The following NDUFS8 variants were observed in gnomAD, a reference collection of about 807,000 sequenced individuals.
NDUFS8 encodes NADH:ubiquinone oxidoreductase core subunit S8, also known as NADH dehydrogenase [ubiquinone] iron-sulfur protein 8, mitochondrial.
In NDUFS8, 13 loss-of-function variants were observed where a neutral mutation model predicts 25.6. That is an observed-to-expected ratio of 0.51 (90% CI 0.33 to 0.81). The LOEUF (loss-of-function observed/expected upper bound fraction) is 0.81. Ranked by LOEUF, NDUFS8 falls within the 30% of genes least tolerant of loss-of-function variation. The probability of loss-of-function intolerance (pLI) is 0.02; values close to 1 mark genes in which losing one functional copy is unlikely to be tolerated. For missense variants in NDUFS8, 257 were observed against 300.9 expected, an observed-to-expected ratio of 0.85 and a Z score of 1.08; for synonymous variants, 119 against 119.4, an observed-to-expected ratio of 1.00 and a Z score of 0.02.
chr11:68,034,737 C>T (rs752708220), intron 5 of NDUFS8: 2 of 145,180 alleles, frequency 1.4e-5, no homozygotes, highest in Non-Finnish European at 3.0e-5. Flanking sequence ...TCACTTGAAC[C>T]GGGAGGTGGG....
At chr11:68,035,951 C>T (rs1381950481) in intron 5 of NDUFS8, 2 of 389,810 alleles carry the variant, frequency 5.1e-6, no homozygotes, top group East Asian at 6.1e-5. Flanking sequence ...CCGGGAAGGC[C>T]GAGGTTGCAG....
At chr11:68,032,564 G>T in intron 3 of NDUFS8, 1 of 1,451,358 alleles carries the variant, frequency 6.9e-7, no homozygotes, top group Non-Finnish European at 9.1e-7. Context: ...GTGTGATGGG[G>T]AGGGGGTTGC....
Position 68,032,378 on chromosome 11 carries a change from G to A in NDUFS8, c.109+42G>A, listed in dbSNP as rs1255827946. On this transcript the variant is annotated intron_variant, in intron 3 of 6. Coordinates refer to ENST00000313468, the MANE Select transcript of NDUFS8 (RefSeq NM_002496.4). ...CCTCTAGCCTCAGGTGTTCCTGACT[G>A]GTCCTGCTGGAGTAGGGGAAGAGAC... The A allele has an allele frequency of 1.9e-6, 3 of 1,612,586 alleles. No individual in the cohort carries two copies. The South Asian group carries it at 3.3e-5, about 18-fold the overall frequency.
chr11:68,030,956 G>A (rs1236472575), intron 1 of NDUFS8: 1 of 438,902 alleles, frequency 2.3e-6, no homozygotes, highest in Non-Finnish European at 4.6e-6. Context: ...GGAGATCACT[G>A]GGAAGGTGGG....
chr11:68,034,531 G>T (rs1854841374), intron 5 of NDUFS8: 1 of 152,194 alleles, frequency 6.6e-6, no homozygotes, highest in South Asian at 2.1e-4. Context: ...GTTAGATTTA[G>T]ACCGGGCACA....
intron 5 of NDUFS8, 116 bp downstream of exon 5, chr11:68,033,399 T>C (rs1175389154): frequency 8.0e-7 from 1 of 1,244,258 alleles, no homozygotes; most frequent in African/African-American, 1.5e-5. Context: ...AGGAAGTCCC[T>C]TTCCCCCTCT....
chr11:68,033,048 G>T, intron 4 of NDUFS8, 36 bp downstream of exon 4: 2 of 1,613,262 alleles, frequency 1.2e-6, no homozygotes, highest in Non-Finnish European at 1.7e-6. Context: ...GGAAGGTGCC[G>T]GGTGGGCACG....
intron 4 of NDUFS8, 34 bp from the exon 5 acceptor site, chr11:68,033,077 G>C: frequency 6.2e-7 from 1 of 1,613,132 alleles, no homozygotes; most frequent in Non-Finnish European, 8.5e-7. Flanking sequence ...GGGGAGGAGG[G>C]TGCCCCTGCC....
chr11:68,032,147 A>T lies in NDUFS8; in HGVS notation c.1-5A>T, dbSNP rs775410681. 4.3e-6 allele frequency: 7 copies of T among 1,612,154 alleles called. No homozygotes were observed. The South Asian group carries it at 7.7e-5, about 18-fold the overall frequency. ...CCCACCCTCCATCCCTTTTTATGCC[A>T]CCAGATGCGCTGCCTGACCACGCCT... is the stretch of plus-strand genomic sequence containing the variant. On this transcript the variant is annotated splice_polypyrimidine_tract_variant and splice_region_variant and intron_variant, in intron 1 of 6. Coordinates refer to ENST00000313468, the MANE Select transcript of NDUFS8 (RefSeq NM_002496.4).
At chr11:68,035,463 C>G (rs77951352) in intron 5 of NDUFS8, among the ~76,000 whole-genome samples, 32 of 152,238 alleles carry the variant, frequency 2.1e-4, no homozygotes, top group Admixed American at 4.6e-4. Flanking sequence ...AACTTTATTC[C>G]TAAAAAGTGC....
Position 68,036,603 on chromosome 11 carries a change from G to A in NDUFS8, c.*10G>A, listed in dbSNP as rs778113424. On this transcript the variant is annotated 3_prime_UTR_variant, in exon 7 of 7. Transcript: ENST00000313468. ...CTACTTGTATCGGTGACGCCCCACC[G>A]GCCCGCAGCCCCTGCTGCCCAATAA... 2.4e-5 allele frequency: 38 copies of A among 1,613,078 alleles called. No homozygotes were observed. Among genetic ancestry groups the A allele is most frequent in the Admixed American group, 1.3e-4 (8 of 60,002 alleles).
In NDUFS8 at chr11:68,031,282, C is replaced by T. The variant is rs141759053; in HGVS notation, c.-1+549C>T. ...GACTGTTCAGGCCTTGAAGAGTTTC[C>T]AGCAGGGCAGGGCTGGGTTCCGATC... On this transcript the variant is annotated intron_variant, in intron 1 of 6. Transcript: ENST00000313468. 4.0e-3 allele frequency: 647 copies of T among 161,466 alleles called. 6 individuals carry two copies. Among genetic ancestry groups the T allele is most frequent in the African/African-American group, 0.015 (621 of 41,602 alleles). The allele number at this position is 161,466 out of a possible 1,614,324, so 10.0% of individuals were successfully genotyped here.
At chr11:68,031,652 C>T (rs574119631) in intron 1 of NDUFS8, 2 of 248,086 alleles carry the variant, frequency 8.1e-6, no homozygotes, top group African/African-American at 2.2e-5. Context: ...CCAGCCCTAG[C>T]GAGTCACTCA....
chr11:68,031,810 A>G, intron 1 of NDUFS8: 1 of 422,088 alleles, frequency 2.4e-6, no homozygotes, highest in Non-Finnish European at 4.5e-6. Flanking sequence ...GGGGCTGGTA[A>G]TGTTGTTTTT....
In NDUFS8 at chr11:68,032,168, C is replaced by G; in HGVS notation, c.17C>G (p.Thr6Arg). MRCLT[T>R]PMLLRALAQA... is the part of the protein sequence containing the mutation. Reference sequence around the variant, plus strand: ...TGCCACCAGATGCGCTGCCTGACCACGCCTATGCTGCTGCGGGCCCTGGCC... The same window carrying G: ...TGCCACCAGATGCGCTGCCTGACCAGGCCTATGCTGCTGCGGGCCCTGGCC... The change falls in exon 2 of 7, where the codon ACG becomes AGG. Residue 6 changes from threonine to arginine, a missense_variant. Thr to Arg is a moderately conservative substitution (Grantham distance 71). Coordinates refer to ENST00000313468, the MANE Select transcript of NDUFS8 (RefSeq NM_002496.4). The G allele has an allele frequency of 6.2e-7, 1 of 1,612,688 alleles. No individual in the cohort carries two copies. Among genetic ancestry groups the G allele is most frequent in the South Asian group, 1.1e-5 (1 of 91,018 alleles).
intron 5 of NDUFS8, chr11:68,036,017 C>CAAAA (rs56359843): frequency 2.7e-4 from 100 of 374,116 alleles, no homozygotes; most frequent in Middle Eastern, 7.9e-4. Context: ...GACTCTATCT[C>CAAAA]AAAAAAAAAA....
In NDUFS8 at chr11:68,036,288, C is replaced by T. The variant is rs1009740434; in HGVS notation, c.408C>T (p.Gly136=). 1.2e-6 allele frequency: 2 copies of T among 1,612,894 alleles called. No homozygotes were observed. The highest frequency in any genetic ancestry group is 1.7e-6 in the Non-Finnish European group (2 of 1,179,850). ...TCGAGGCTGAGCCAAGAGCTGATGG[C>T]AGCCGCCGGACCACCCGCTATGACA... The part of the protein sequence containing the change: ...ITIEAEPRAD[G]SRRTTRYDID... Residue 136 remains glycine (G), a synonymous_variant, in exon 6 of 7, where the codon GGC becomes GGT. Coordinates refer to ENST00000313468, the MANE Select transcript of NDUFS8 (RefSeq NM_002496.4).
At chr11:68,034,819 C>G (rs1854850719) in intron 5 of NDUFS8, 1 of 151,176 alleles carries the variant, frequency 6.6e-6, no homozygotes, top group Non-Finnish European at 1.5e-5. Flanking sequence ...GCCTGTAATC[C>G]CAGCACTTTG....
intron 3 of NDUFS8, 185 bp downstream of exon 3, chr11:68,032,521 G>A (rs968738236): frequency 4.0e-6 from 6 of 1,502,000 alleles, no homozygotes; most frequent in South Asian, 2.5e-5. Flanking sequence ...CATCATTGCC[G>A]AGGTTAGCAT....
Sources: gnomAD v4.1 joint callset for allele counts (sites outside exome capture counted in the v4.1 genomes callset) on GRCh38, gnomAD v4.1.1 for gene constraint, MANE v1.5 for transcripts, NCBI Gene and HGNC (gene_info 2026-07-23, HGNC 2026-07-21) for gene names.